The following FOXN3 variants were observed in gnomAD, a reference collection of about 807,000 sequenced individuals.
FOXN3 encodes the protein forkhead box N3.
In FOXN3, 7 loss-of-function variants were observed where a neutral mutation model predicts 38.4. The observed-to-expected ratio is 0.18, with a 90% confidence interval of 0.10 to 0.34. The LOEUF (loss-of-function observed/expected upper bound fraction) is 0.34, where lower values mean the gene tolerates loss of function less well. FOXN3 is among the 10% of genes least tolerant of loss of function. The pLI is 1.00. For synonymous variants in FOXN3, 230 were observed against 242.2 expected (o/e 0.95, Z 0.47); for missense variants, 456 against 613.4 (o/e 0.74, Z 2.71).
At chr14:89,249,169 T>C (rs553210649) in intron 4 of FOXN3, among the ~76,000 whole-genome samples, 1 of 152,328 alleles carries the variant, frequency 6.6e-6, no homozygotes, top group South Asian at 2.1e-4. Flanking sequence ...TACACTGTAC[T>C]CACTAAAGCT....
At chr14:89,467,804 GTTTTTT>G (rs68132432) in intron 1 of FOXN3, among the ~76,000 whole-genome samples, 1 of 56,578 alleles carries the variant, frequency 1.8e-5, no homozygotes, top group Non-Finnish European at 3.1e-5. Context: ...TTCTTTCTTT[GTTTTTT>G]TTTTTTTTTT....
intron 1 of FOXN3, among the ~76,000 whole-genome samples, chr14:89,588,623 T>C (rs1000204543): frequency 5.9e-5 from 9 of 152,316 alleles, no homozygotes; most frequent in South Asian, 2.1e-4. Context: ...GATATCACCA[T>C]GCCCAACCAA....
At chr14:89,246,136 G>A (rs1885289424) in intron 4 of FOXN3, among the ~76,000 whole-genome samples, 2 of 152,118 alleles carry the variant, frequency 1.3e-5, no homozygotes, top group African/African-American at 4.8e-5. Flanking sequence ...CTTTAAATAG[G>A]TGAATTGTTT....
intron 3 of FOXN3, among the ~76,000 whole-genome samples, chr14:89,286,132 A>G (rs1886622627): frequency 1.3e-5 from 2 of 151,420 alleles, no homozygotes; most frequent in Non-Finnish European, 2.9e-5. Context: ...CAACATAAAT[A>G]ATTTTTGTTA....
intron 1 of FOXN3, among the ~76,000 whole-genome samples, chr14:89,544,658 C>A (rs74078973): frequency 6.6e-6 from 1 of 152,158 alleles, no homozygotes; most frequent in Non-Finnish European, 1.5e-5. Context: ...TCCTTCTCCA[C>A]GGGGAACAAG....
At chr14:89,328,190 C>CT in intron 3 of FOXN3, among the ~76,000 whole-genome samples, 1 of 152,252 alleles carries the variant, frequency 6.6e-6, no homozygotes, top group Non-Finnish European at 1.5e-5. Flanking sequence ...GGTGTACGCT[C>CT]TGATGACAGG....
chr14:89,480,322 C>A (rs935696437), intron 1 of FOXN3, among the ~76,000 whole-genome samples: 4 of 151,816 alleles, frequency 2.6e-5, no homozygotes, highest in African/African-American at 9.7e-5. Context: ...AGAATCACTT[C>A]AACTCGGGAG....
intron 1 of FOXN3, among the ~76,000 whole-genome samples, chr14:89,521,912 G>A (rs1371545142): frequency 6.6e-6 from 1 of 151,892 alleles, no homozygotes; most frequent in African/African-American, 2.4e-5. Flanking sequence ...AGCTACTCAG[G>A]AGGCTGGGGG....
intron 1 of FOXN3, among the ~76,000 whole-genome samples, chr14:89,580,248 T>C (rs1222784354): frequency 1.3e-5 from 2 of 152,170 alleles, no homozygotes; most frequent in Non-Finnish European, 2.9e-5. Context: ...CTAAAATGGA[T>C]GAACAAAATG....
chr14:89,234,266 T>G (rs943871263), intron 4 of FOXN3, among the ~76,000 whole-genome samples: 4 of 152,206 alleles, frequency 2.6e-5, no homozygotes, highest in African/African-American at 7.2e-5. Context: ...ATGACCATAG[T>G]TCTGGAGGCT....
At chr14:89,302,066 C>T (rs75463730) in intron 3 of FOXN3, among the ~76,000 whole-genome samples, 10 of 152,064 alleles carry the variant, frequency 6.6e-5, no homozygotes, top group African/African-American at 9.7e-5. Flanking sequence ...AAACCCAAAA[C>T]GAAATGGTTG....
intron 4 of FOXN3, chr14:89,263,704 G>GT (rs1357502235): frequency 3.3e-5 from 5 of 152,280 alleles, no homozygotes; most frequent in Admixed American, 2.0e-4. Context: ...TTGGAATAAC[G>GT]TATGTCCAGC....
chr14:89,203,744 C>A (rs990883751), intron 4 of FOXN3, among the ~76,000 whole-genome samples: 4 of 152,128 alleles, frequency 2.6e-5, no homozygotes, highest in Admixed American at 1.3e-4. Flanking sequence ...TTCTTCCGCT[C>A]CCAGGGCTCC....
chr14:89,175,805 T>C (rs1219490332), intron 5 of FOXN3, among the ~76,000 whole-genome samples: 1 of 152,140 alleles, frequency 6.6e-6, no homozygotes, highest in Non-Finnish European at 1.5e-5. Flanking sequence ...ATGAGGCATG[T>C]AGGGATCAAA....
intron 4 of FOXN3, among the ~76,000 whole-genome samples, chr14:89,198,504 T>A (rs1220596362): frequency 1.3e-5 from 2 of 152,246 alleles, no homozygotes; most frequent in Non-Finnish European, 2.9e-5. Flanking sequence ...AAACTCCAAG[T>A]AAGCTGTGGA....
Position 89,263,703 on chromosome 14 carries a change from C to T in FOXN3, c.745+17247G>A, listed in dbSNP as rs186098761. 7.9e-5 allele frequency: 12 copies of T among 152,278 alleles called. No individual in the cohort carries two copies. The East Asian group carries it at 1.3e-3, about 17-fold the overall frequency. The allele number at this position is 152,278 out of a possible 1,614,324, so 9.4% of individuals were successfully genotyped here. Reference sequence around the variant, plus strand: ...GTTTTGAAACTTTCTATTGGAATAACGTATGTCCAGCAAAGCCCTTGTATG... The same window carrying T: ...GTTTTGAAACTTTCTATTGGAATAATGTATGTCCAGCAAAGCCCTTGTATG... On this transcript the variant is annotated intron_variant, in intron 4 of 5. Coordinates refer to ENST00000557258, the MANE Select transcript of FOXN3 (RefSeq NM_005197.4).
At chr14:89,326,329 T>A (rs1363385552) in intron 3 of FOXN3, among the ~76,000 whole-genome samples, 1 of 152,218 alleles carries the variant, frequency 6.6e-6, no homozygotes, top group Non-Finnish European at 1.5e-5. Context: ...AAGACACAAG[T>A]ATATTTTCAA....
intron 1 of FOXN3, among the ~76,000 whole-genome samples, chr14:89,498,614 A>T (rs1404417558): frequency 6.6e-6 from 1 of 152,098 alleles, no homozygotes; most frequent in African/African-American, 2.4e-5. Context: ...CTCCTCCCGA[A>T]TTACCCTGGA....
chr14:89,344,543 A>C (rs1888710274), intron 3 of FOXN3, among the ~76,000 whole-genome samples: 1 of 152,230 alleles, frequency 6.6e-6, no homozygotes, highest in Non-Finnish European at 1.5e-5. Flanking sequence ...ATAGCAGAGA[A>C]GGTATTACAT....
Sources: gnomAD v4.1 joint callset for allele counts (sites outside exome capture counted in the v4.1 genomes callset) on GRCh38, gnomAD v4.1.1 for gene constraint, MANE v1.5 for transcripts, NCBI Gene and HGNC (gene_info 2026-07-23, HGNC 2026-07-21) for gene names.